BCAS3: variants seen among roughly 807,000 people sequenced by gnomAD.
BCAS3 encodes BCAS4/BCAS3 fusion.
Under a neutral mutation model 116.1 loss-of-function variants are expected in BCAS3, and 53 were observed. That is an observed-to-expected ratio of 0.46 (90% CI 0.37 to 0.57). The LOEUF is 0.57. Ranked by LOEUF, BCAS3 falls within the 20% of genes least tolerant of loss-of-function variation. The probability of loss-of-function intolerance (pLI) is 0.00; values close to 1 mark genes in which losing one functional copy is unlikely to be tolerated. For missense variants in BCAS3, 917 were observed against 1,165.4 expected, an observed-to-expected ratio of 0.79 and a Z score of 3.10; for synonymous variants, 391 against 408.2, an observed-to-expected ratio of 0.96 and a Z score of 0.51.
At chr17:61,079,882 ATTTTTTTTTT>A (rs745702399) in intron 21 of BCAS3, among the ~76,000 whole-genome samples, 3 of 65,882 alleles carry the variant, frequency 4.6e-5, no homozygotes, top group Non-Finnish European at 8.4e-5. Flanking sequence ...AGGCATGAGT[ATTTTTTTTTT>A]TTTTTTTTTT....
intron 6 of BCAS3, among the ~76,000 whole-genome samples, chr17:60,805,845 G>A (rs2048223118): frequency 6.7e-6 from 1 of 148,878 alleles, no homozygotes; most frequent in Admixed American, 6.7e-5. Context: ...AAAGAGAAGT[G>A]ACTCAGCCTA....
In BCAS3 at chr17:60,709,259, T is replaced by C. The variant is rs543256883; in HGVS notation, c.255T>C (p.Thr85=). ...RNLEFHEIHS[T]GNEPPLLIMI... is the part of the protein sequence containing the mutation. The stretch of plus-strand genomic sequence containing the variant: ...TGGAATTTCATGAAATACATAGTAC[T>C]GGGAATGAACCGCCTTTGTTGATTA... The change falls in exon 5 of 24, where the codon ACT becomes ACC. Residue 85 remains threonine (T), a synonymous_variant. Transcript: ENST00000407086. 4 of 1,598,138 alleles carry C rather than the reference T, an allele frequency of 2.5e-6. No individual in the cohort carries two copies. The African/African-American group carries it at 4.0e-5, about 16-fold the overall frequency.
chr17:61,363,553 C>CTT lies in BCAS3; in HGVS notation c.2426-4758_2426-4757dup, dbSNP rs1156471461. ...GTTTGGTGAAGTCACATAAGCTCCT[C>CTT]TTTTTTTTTTTTTTTTTAACTCACT... On this transcript the variant is annotated intron_variant, in intron 22 of 23. Transcript: ENST00000407086. This position sits in a 1 kb window ranked among gnomAD's most constrained non-coding sequence, Gnocchi z 4.9. 2.7e-4 allele frequency among the ~76,000 whole-genome samples: 38 copies of CTT among 139,916 alleles called. 1 individual carries two copies. The highest frequency in any genetic ancestry group is 1.2e-3 in the South Asian group (5 of 4,282). 91.8% of individuals were successfully genotyped at this position (139,916 alleles called of 152,430 possible). A position where few individuals can be genotyped will look rare whatever the true frequency, so the allele number is the denominator to read the frequency against.
rs1372570748 is a variant in BCAS3, at chr17:61,251,551, C to T, written c.2426-116776C>T. Among the ~76,000 whole-genome samples, 1 of 139,876 alleles carries T rather than the reference C, an allele frequency of 7.1e-6. No homozygotes were observed. Among genetic ancestry groups the T allele is most frequent in the Non-Finnish European group, 1.5e-5 (1 of 65,734 alleles). 91.8% of individuals were successfully genotyped at this position (139,876 alleles called of 152,430 possible). ...CGCCATTCCACTCCAGCCTGGGCAA[C>T]AAGAGCGAAACTCCACCTCAAAAAA... is the stretch of plus-strand genomic sequence containing the variant. On this transcript the variant is annotated intron_variant, in intron 22 of 23. Coordinates refer to ENST00000407086, the MANE Select transcript of BCAS3 (RefSeq NM_017679.5). This position sits in a 1 kb window ranked among gnomAD's most constrained non-coding sequence, Gnocchi z 4.7.
chr17:61,148,249 G>A (rs60493488), intron 22 of BCAS3, among the ~76,000 whole-genome samples: 2 of 152,024 alleles, frequency 1.3e-5, no homozygotes, highest in East Asian at 3.8e-4. Context: ...TTAGCTGATA[G>A]GTCTGTGAAA....
At chr17:60,940,487 T>G (rs1381948141) in intron 13 of BCAS3, among the ~76,000 whole-genome samples, 1 of 152,220 alleles carries the variant, frequency 6.6e-6, no homozygotes, top group African/African-American at 2.4e-5. Flanking sequence ...CTTGAAAGTT[T>G]TATTAATCTG....
chr17:61,319,154 C>G (rs139415885), intron 22 of BCAS3, among the ~76,000 whole-genome samples: 1 of 152,144 alleles, frequency 6.6e-6, no homozygotes, highest in Non-Finnish European at 1.5e-5. Flanking sequence ...CCCTCTACCC[C>G]GGGCCTACAC....
intron 6 of BCAS3, among the ~76,000 whole-genome samples, chr17:60,750,182 A>T (rs1324732136): frequency 6.6e-6 from 1 of 152,088 alleles, no homozygotes; most frequent in Non-Finnish European, 1.5e-5. Flanking sequence ...AAAAAAAGAA[A>T]ATTAATCCAT....
At chr17:61,262,889 T>C (rs2005818) in intron 22 of BCAS3, among the ~76,000 whole-genome samples, 88,270 of 148,504 alleles carry the variant, frequency 0.59, 26,990 homozygotes, top group East Asian at 0.81. Context: ...ATGGGGTTTC[T>C]CCATGTTGGT....
intron 22 of BCAS3, among the ~76,000 whole-genome samples, chr17:61,146,093 A>G (rs1351147379): frequency 1.3e-4 from 19 of 144,720 alleles, no homozygotes; most frequent in Non-Finnish European, 4.5e-5. Context: ...ACTGTTCACA[A>G]GGTTACTTAC....
At chr17:60,996,275 G>C (rs1263530351) in intron 15 of BCAS3, among the ~76,000 whole-genome samples, 1 of 152,208 alleles carries the variant, frequency 6.6e-6, no homozygotes, top group African/African-American at 2.4e-5. Context: ...AAACTTAGTT[G>C]AGACCAGTTA....
At chr17:61,253,327 C>T (rs1034426935) in intron 22 of BCAS3, among the ~76,000 whole-genome samples, 2 of 151,162 alleles carry the variant, frequency 1.3e-5, no homozygotes, top group East Asian at 2.0e-4. Flanking sequence ...CCGAGGCAGG[C>T]GGATCACCTG....
chr17:60,767,296 A>G (rs916077974), intron 6 of BCAS3, among the ~76,000 whole-genome samples: 2 of 150,882 alleles, frequency 1.3e-5, no homozygotes, highest in Admixed American at 1.3e-4. Context: ...TGGGAACTGC[A>G]GACTGGACCT....
At chr17:60,819,562 GA>G (rs1289113269) in intron 7 of BCAS3, among the ~76,000 whole-genome samples, 1 of 152,176 alleles carries the variant, frequency 6.6e-6, no homozygotes, top group Non-Finnish European at 1.5e-5. Context: ...ATTTCTTACA[GA>G]ATTGCTTTAC....
intron 9 of BCAS3, among the ~76,000 whole-genome samples, chr17:60,888,730 T>G (rs2056921844): frequency 1.3e-5 from 2 of 152,208 alleles, no homozygotes; most frequent in Admixed American, 1.3e-4. Context: ...CTTCAAACAG[T>G]AGCATGAATG....
At chr17:60,889,601 A>G (rs1478377477) in intron 9 of BCAS3, 94 bp from the exon 10 acceptor site, 1 of 1,011,338 alleles carries the variant, frequency 9.9e-7, no homozygotes, top group Non-Finnish European at 1.5e-6. Context: ...AAATATAAGC[A>G]TTTGATTTTT....
In BCAS3 at chr17:61,106,813, C is replaced by T. The variant is rs540168604; in HGVS notation, c.2425+22249C>T. 7.2e-5 allele frequency among the ~76,000 whole-genome samples: 11 copies of T among 152,150 alleles called. 1 individual carries two copies. The South Asian group carries it at 2.3e-3, about 32-fold the overall frequency. ...ATTTTCTATCATTAAACTTTGAGAT[C>T]GTTTAGAATTTTTTACCATACTAAT... On this transcript the variant is annotated intron_variant, in intron 22 of 23. Coordinates refer to ENST00000407086, the MANE Select transcript of BCAS3 (RefSeq NM_017679.5). The surrounding 1 kb of genome is among the most constrained non-coding windows in gnomAD (Gnocchi z 4.2).
chr17:60,809,868 A>C (rs1300769282), intron 7 of BCAS3, among the ~76,000 whole-genome samples: 2 of 152,252 alleles, frequency 1.3e-5, no homozygotes, highest in South Asian at 2.1e-4. Flanking sequence ...ACTAAGATAC[A>C]TAGATGCATG....
chr17:60,896,354 A>G (rs953625762), intron 10 of BCAS3, among the ~76,000 whole-genome samples: 34 of 152,180 alleles, frequency 2.2e-4, no homozygotes, highest in East Asian at 1.2e-3. Flanking sequence ...TTTAAATCCA[A>G]TGTTTCTTTG....
Sources: gnomAD v4.1 joint callset for allele counts (sites outside exome capture counted in the v4.1 genomes callset) on GRCh38, gnomAD v4.1.1 for gene constraint, Gnocchi (gnomAD v3.1) non-coding constraint, MANE v1.5 for transcripts, NCBI Gene and HGNC (gene_info 2026-07-23, HGNC 2026-07-21) for gene names.